Variants in LILRB4 observed in about 807,000 individuals in gnomAD.
The protein encoded by LILRB4 is leukocyte immunoglobulin like receptor B4.
Under a neutral mutation model 55.2 loss-of-function variants are expected in LILRB4, and 49 were observed. The ratio of observed to expected loss-of-function variants is 0.89; its 90% CI spans 0.71 to 1.13. LILRB4 has a LOEUF of 1.13. LILRB4 is among the 50% of genes most tolerant of loss of function. The pLI is 0.00. For synonymous variants in LILRB4, 229 were observed against 213.8 expected, an observed-to-expected ratio of 1.07 and a Z score of -0.62; for missense variants, 590 against 555.2, an observed-to-expected ratio of 1.06 and a Z score of -0.63.
intron 1 of LILRB4, 68 bp downstream of exon 1, chr19:54,663,135 G>T: frequency 6.4e-7 from 1 of 1,553,372 alleles, no homozygotes; most frequent in Non-Finnish European, 8.7e-7. Flanking sequence ...CCAGGCCCTG[G>T]TTCTTTAGGA....
exon 5 of LILRB4, chr19:54,664,818 G>A (rs766981226): frequency 2.5e-6 from 4 of 1,606,468 alleles, no homozygotes; most frequent in Non-Finnish European, 3.4e-6. Flanking sequence ...AGGGTCCCAG[G>A]CCCTCACCCA....
Position 54,663,742 on chromosome 19 carries a change from A to T in LILRB4, c.71-12A>T. 6.2e-7 allele frequency: 1 copy of T among 1,613,510 alleles called. No homozygotes were observed. Among genetic ancestry groups the T allele is most frequent in the South Asian group, 1.1e-5 (1 of 91,052 alleles). ...GGAAGGTCTTGGGATCCAGCCTCTG[A>T]TTTTCTTCCAGGGCCCCTCCCCAAA... On this transcript the variant is annotated splice_polypyrimidine_tract_variant and intron_variant, in intron 2 of 11. Coordinates refer to ENST00000430952, the Ensembl canonical transcript of LILRB4.
At chr19:54,668,243 T>C (rs1206856406) in exon 12 of LILRB4, 1 of 537,820 alleles carries the variant, frequency 1.9e-6, no homozygotes, top group Non-Finnish European at 3.3e-6. Flanking sequence ...ATGAGTTAAC[T>C]GATAAAACAA....
rs373259283 is a variant in LILRB4 at position 54,665,799 on chromosome 19, T to A, written c.758-16T>A. On this transcript the variant is annotated splice_polypyrimidine_tract_variant and intron_variant, in intron 6 of 11. Coordinates refer to ENST00000430952, the Ensembl canonical transcript of LILRB4. The surrounding 1 kb of genome is among the most constrained non-coding windows in gnomAD (Gnocchi z 5.5). ...TCAATGACATCATCCCCATTCCTGA[T>A]GTCATCACGCCCAAGGTCTGAGAAG... 2 of 1,587,946 alleles carry A rather than the reference T, an allele frequency of 1.3e-6. No individual in the cohort carries two copies. The highest frequency in any genetic ancestry group is 1.8e-5 in the Admixed American group (1 of 54,802).
At chr19:54,663,010 C>G (rs1191967054) in exon 1 of LILRB4, 1 of 1,614,070 alleles carries the variant, frequency 6.2e-7, no homozygotes, top group South Asian at 1.1e-5. Context: ...ATCTGCACAG[C>G]TGGGGCCCCT....
chr19:54,664,304 G>C (rs1296542778), exon 4 of LILRB4: 2 of 1,614,100 alleles, frequency 1.2e-6, no homozygotes, highest in Middle Eastern at 3.3e-4. Flanking sequence ...TGATCAAGGA[G>C]CGGGCAGCCC....
At chr19:54,663,303 G>A (rs1379968894) in intron 1 of LILRB4, among the ~76,000 whole-genome samples, 9 of 151,864 alleles carry the variant, frequency 5.9e-5, no homozygotes, top group Admixed American at 2.6e-4. Flanking sequence ...AAAATTAGCC[G>A]GGGGTGGTTG....
Position 54,665,705 on chromosome 19 carries a change from G to T in LILRB4, c.758-110G>T. 2 of 1,295,874 alleles carry T rather than the reference G, an allele frequency of 1.5e-6. No individual in the cohort carries two copies. Among genetic ancestry groups the T allele is most frequent in the South Asian group, 1.3e-5 (1 of 78,740 alleles). The allele number at this position is 1,295,874 out of a possible 1,614,324, so 80.3% of individuals were successfully genotyped here. The stretch of plus-strand genomic sequence containing the variant: ...GGCAATCTCAGGTTGCACAACTGCT[G>T]TGAGGGTTGGAGGTAATGAAAGAAA... On this transcript the variant is annotated intron_variant, in intron 6 of 11. Coordinates refer to ENST00000430952, the Ensembl canonical transcript of LILRB4. The surrounding 1 kb of genome is among the most constrained non-coding windows in gnomAD (Gnocchi z 5.5).
rs2065241011 is a variant in LILRB4 at position 54,665,887 on chromosome 19, TC to T, written c.832del (p.Leu278SerfsTer56). The T allele has an allele frequency of 6.2e-7, 1 of 1,612,956 alleles. No homozygotes were observed. The highest frequency in any genetic ancestry group is 8.5e-7 in the Non-Finnish European group (1 of 1,179,672). On this transcript the variant is annotated frameshift_variant, in exon 7 of 12. Coordinates refer to ENST00000430952, the Ensembl canonical transcript of LILRB4. LOFTEE classifies it high-confidence loss of function. This position sits in a 1 kb window ranked among gnomAD's most constrained non-coding sequence, Gnocchi z 5.5. ...ATCCTGCTTCTCTCCCTCCTCCTCT[TC>T]CTCCTCCTCCAACACTGGCGTCAGG...
rs1436303507 is a variant in LILRB4 at position 54,666,745 on chromosome 19, C to G, written c.1037C>G (p.Thr346Ser). The G allele has an allele frequency of 8.7e-6, 14 of 1,614,018 alleles. No homozygotes were observed. The highest frequency in any genetic ancestry group is 1.7e-5 in the Admixed American group (1 of 60,008). ...CCTGAGGACGGGGTGGAAATGGACA[C>G]TCGGGTGAGAACCCGCCCCTGTCCC... The change falls in exon 10 of 12, where the codon ACT (threonine) becomes AGT (serine). Residue 346 changes from threonine to serine, a missense_variant. Coordinates refer to ENST00000430952, the Ensembl canonical transcript of LILRB4. The surrounding 1 kb of genome is among the most constrained non-coding windows in gnomAD (Gnocchi z 4.8).
chr19:54,663,859 G>C, exon 3 of LILRB4: 1 of 1,614,126 alleles, frequency 6.2e-7, no homozygotes, highest in Non-Finnish European at 8.5e-7. Flanking sequence ...CGGGAGTACC[G>C]TCTGGATAAA....
In LILRB4 at chr19:54,666,676, C is replaced by A. The variant is rs746339078; in HGVS notation, c.989-21C>A. Reference sequence around the variant, plus strand: ...CCAGGGAACCTTCCCAGGAGATGAACCCCTTGCTCTACCCCAGCAGGTGCT... The same window carrying A: ...CCAGGGAACCTTCCCAGGAGATGAAACCCTTGCTCTACCCCAGCAGGTGCT... On this transcript the variant is annotated intron_variant, in intron 9 of 11. Transcript: ENST00000430952. This position sits in a 1 kb window ranked among gnomAD's most constrained non-coding sequence, Gnocchi z 4.8. The A allele has an allele frequency of 1.9e-5, 30 of 1,613,064 alleles. No homozygotes were observed. The highest frequency in any genetic ancestry group is 5.0e-5 in the Admixed American group (3 of 60,002).
At position 54,665,143 on chromosome 19, in the gene LILRB4, C is replaced by T. The variant is rs78187395; in HGVS notation, c.720C>T (p.Asp240=). 2,809 of 1,607,556 alleles carry T rather than the reference C, an allele frequency of 1.7e-3. 20 individuals carry two copies. The African/African-American group carries it at 0.02, about 11-fold the overall frequency. Residue 240 remains aspartate (D), a synonymous_variant, in exon 6 of 12, where the codon GAC becomes GAT. Coordinates refer to ENST00000430952, the Ensembl canonical transcript of LILRB4. This position sits in a 1 kb window ranked among gnomAD's most constrained non-coding sequence, Gnocchi z 5.5. ...GTTCTAACCCAGCAGGCCCTGAGGA[C>T]CAGCCCCTCATGCCTACAGGGTCAG...
At chr19:54,663,862 T>C (rs1349578069) in exon 3 of LILRB4, 4 of 1,613,982 alleles carry the variant, frequency 2.5e-6, no homozygotes, top group African/African-American at 1.3e-5. Flanking sequence ...GAGTACCGTC[T>C]GGATAAAGAG....
At position 54,666,672 on chromosome 19, in the gene LILRB4, T is replaced by C. The variant is rs371875289; in HGVS notation, c.989-25T>C. 1.9e-4 allele frequency: 310 copies of C among 1,612,766 alleles called. No individual in the cohort carries two copies. Among genetic ancestry groups the C allele is most frequent in the African/African-American group, 4.8e-4 (36 of 75,004 alleles). ...GGTCCCAGGGAACCTTCCCAGGAGATGAACCCCTTGCTCTACCCCAGCAGG... is the reference window on the plus strand; with the variant it reads ...GGTCCCAGGGAACCTTCCCAGGAGACGAACCCCTTGCTCTACCCCAGCAGG... On this transcript the variant is annotated intron_variant, in intron 9 of 11. Transcript: ENST00000430952. The surrounding 1 kb of genome is among the most constrained non-coding windows in gnomAD (Gnocchi z 4.8).
rs61542200 is a variant in LILRB4, at chr19:54,663,443, CAAAAAAA to C, written c.35-74_35-68del. On this transcript the variant is annotated intron_variant, in intron 1 of 11. Transcript: ENST00000430952. Reference sequence around the variant, plus strand: ...CCTGGGTGACAGCGAGACTCCGTCTCAAAAAAAAAAAAAAAAAAAAATCTCAGGGTAA... The same window carrying C: ...CCTGGGTGACAGCGAGACTCCGTCTCAAAAAAAAAAAAAATCTCAGGGTAA... 69 of 955,056 alleles carry C rather than the reference CAAAAAAA, an allele frequency of 7.2e-5. No homozygotes were observed. The Admixed American group carries it at 1.1e-3, about 15-fold the overall frequency. 59.2% of individuals were successfully genotyped at this position (955,056 alleles called of 1,614,324 possible).
At position 54,665,539 on chromosome 19, in the gene LILRB4, T is replaced by C. The variant is rs549456761; in HGVS notation, c.758-276T>C. On this transcript the variant is annotated intron_variant, in intron 6 of 11. Transcript: ENST00000430952. The surrounding 1 kb of genome is among the most constrained non-coding windows in gnomAD (Gnocchi z 5.5). The stretch of plus-strand genomic sequence containing the variant: ...TCCCTGCAACTCTGGGGCTTGGCTC[T>C]GGTGCAGGAACAAGGGCTGCAGCTC... Among the ~76,000 whole-genome samples, 1 of 152,274 alleles carries C rather than the reference T, an allele frequency of 6.6e-6. No individual in the cohort carries two copies. The highest frequency in any genetic ancestry group is 1.5e-5 in the Non-Finnish European group (1 of 68,006).
At chr19:54,664,515 C>T (rs1437901888) in intron 4 of LILRB4, 30 bp downstream of exon 4, 1 of 1,566,568 alleles carries the variant, frequency 6.4e-7, no homozygotes, top group South Asian at 1.2e-5. Flanking sequence ...CCTCTCTGAG[C>T]TCAGTGGCTC....
chr19:54,667,724 C>T (rs777765373), exon 11 of LILRB4: 3 of 1,611,284 alleles, frequency 1.9e-6, no homozygotes, highest in African/African-American at 2.7e-5. Flanking sequence ...CTCCTCCCTC[C>T]CCACTGTCTG....
Sources: allele counts gnomAD v4.1 joint callset (sites outside exome capture counted in the v4.1 genomes callset), GRCh38; gene constraint gnomAD v4.1.1; non-coding constraint Gnocchi (gnomAD v3.1); transcripts MANE v1.5; gene names NCBI Gene and HGNC (gene_info 2026-07-23, HGNC 2026-07-21).